Variants in HS3ST2 observed in about 807,000 individuals in gnomAD.
HS3ST2 encodes the protein heparan sulfate-glucosamine 3-sulfotransferase 2.
A neutral mutation model predicts 26.3 loss-of-function variants in HS3ST2; 17 were observed. The ratio of observed to expected loss-of-function variants is 0.65; its 90% CI spans 0.44 to 0.97. HS3ST2 has a LOEUF of 0.97. Ranked by LOEUF, HS3ST2 falls within the 50% of genes least tolerant of loss-of-function variation. The pLI is 0.00. For missense variants in HS3ST2, 402 were observed against 501.2 expected (o/e 0.80, Z 1.89); for synonymous variants, 237 against 219.2 (o/e 1.08, Z -0.72).
chr16:22,915,550 C>T lies in HS3ST2; in HGVS notation c.1092C>T (p.Phe364=). Residue 364 remains phenylalanine (F), a synonymous_variant, in exon 2 of 2, where the codon TTC becomes TTT. Coordinates refer to ENST00000261374, the MANE Select transcript of HS3ST2 (RefSeq NM_006043.2). ...IKFYETVGQD[F]RWE is the part of the protein sequence containing the mutation. ...TTTATGAAACCGTTGGGCAGGACTT[C>T]AGGTGGGAATAAGCCCACGAAAGGA... 1.2e-6 allele frequency: 2 copies of T among 1,612,674 alleles called. No individual in the cohort carries two copies. Among genetic ancestry groups the T allele is most frequent in the South Asian group, 1.1e-5 (1 of 90,922 alleles).
At chr16:22,887,558 A>G (rs1021467013) in intron 1 of HS3ST2, among the ~76,000 whole-genome samples, 3 of 152,168 alleles carry the variant, frequency 2.0e-5, no homozygotes, top group African/African-American at 7.2e-5. Flanking sequence ...TTGGGATGAC[A>G]CAAACACTCA....
At chr16:22,847,944 AGGG>A (rs1901465917) in intron 1 of HS3ST2, among the ~76,000 whole-genome samples, 1 of 151,544 alleles carries the variant, frequency 6.6e-6, no homozygotes, top group African/African-American at 2.4e-5. Flanking sequence ...GGAAGGAAGG[AGGG>A]AGGGAAGAAA....
intron 1 of HS3ST2, among the ~76,000 whole-genome samples, chr16:22,868,891 CA>C (rs1236079322): frequency 6.6e-6 from 1 of 151,882 alleles, no homozygotes. Context: ...AGTAATTAGA[CA>C]TTAACTAGTA....
chr16:22,814,535 C>T lies in HS3ST2; in HGVS notation c.-76C>T, dbSNP rs953036395. The T allele has an allele frequency of 2.8e-5, 39 of 1,411,282 alleles. No individual in the cohort carries two copies. Among genetic ancestry groups the T allele is most frequent in the Non-Finnish European group, 5.5e-6 (6 of 1,091,944 alleles). 87.4% of individuals were successfully genotyped at this position (1,411,282 alleles called of 1,614,324 possible). A position where few individuals can be genotyped will look rare whatever the true frequency, so the allele number is the denominator to read the frequency against. On this transcript the variant is annotated 5_prime_UTR_variant, in exon 1 of 2. Transcript: ENST00000261374. Reference sequence around the variant, plus strand: ...GGCAGCGCCACGCGAGCCCTCTAGGCGACCGCAGGGCCACAGCAGCTCAGC... The same window carrying T: ...GGCAGCGCCACGCGAGCCCTCTAGGTGACCGCAGGGCCACAGCAGCTCAGC...
chr16:22,868,548 G>T (rs1247198824), intron 1 of HS3ST2, among the ~76,000 whole-genome samples: 1 of 151,776 alleles, frequency 6.6e-6, no homozygotes, highest in Non-Finnish European at 1.5e-5. Flanking sequence ...ATGTATATCA[G>T]CTAGAGAATG....
intron 1 of HS3ST2, among the ~76,000 whole-genome samples, chr16:22,910,392 C>T (rs905370268): frequency 4.6e-5 from 7 of 152,138 alleles, no homozygotes; most frequent in African/African-American, 9.7e-5. Flanking sequence ...AGTTTAAATG[C>T]GCTGTTACAC....
chr16:22,895,154 A>G (rs1902192240), intron 1 of HS3ST2, among the ~76,000 whole-genome samples: 1 of 148,992 alleles, frequency 6.7e-6, no homozygotes, highest in African/African-American at 2.5e-5. Context: ...CAGTGGCATG[A>G]TCTCAGCCCA....
intron 1 of HS3ST2, among the ~76,000 whole-genome samples, chr16:22,879,111 C>T (rs1901955619): frequency 6.6e-6 from 1 of 152,220 alleles, no homozygotes; most frequent in Non-Finnish European, 1.5e-5. Flanking sequence ...GTGCCAGGGC[C>T]ATCTGTGCAG....
chr16:22,912,434 G>A (rs1265706044), intron 1 of HS3ST2, among the ~76,000 whole-genome samples: 2 of 152,196 alleles, frequency 1.3e-5, no homozygotes, highest in Non-Finnish European at 2.9e-5. Context: ...AAGGATGTGA[G>A]AATGAATGTT....
At chr16:22,909,837 C>T (rs1596634018) in intron 1 of HS3ST2, among the ~76,000 whole-genome samples, 4 of 151,948 alleles carry the variant, frequency 2.6e-5, no homozygotes, top group Admixed American at 1.3e-4. Context: ...GTCAGGAGTT[C>T]GAGACCAGCC....
At chr16:22,835,180 A>AT (rs142755442) in intron 1 of HS3ST2, among the ~76,000 whole-genome samples, 8,788 of 149,776 alleles carry the variant, frequency 0.059, 811 homozygotes, top group African/African-American at 0.2. Flanking sequence ...CATTTTGTTC[A>AT]TTTTTTTTTG....
At chr16:22,876,241 T>C (rs375125336) in intron 1 of HS3ST2, among the ~76,000 whole-genome samples, 5 of 151,886 alleles carry the variant, frequency 3.3e-5, no homozygotes, top group African/African-American at 1.2e-4. Context: ...GGAAATCAAA[T>C]AATCAGCAAG....
chr16:22,866,594 AC>A (rs1232416708), intron 1 of HS3ST2, among the ~76,000 whole-genome samples: 1 of 151,740 alleles, frequency 6.6e-6, no homozygotes, highest in African/African-American at 2.4e-5. Context: ...ACATGGCAAG[AC>A]CCCGTCTCTA....
At chr16:22,888,740 A>G (rs941851735) in intron 1 of HS3ST2, among the ~76,000 whole-genome samples, 2 of 152,080 alleles carry the variant, frequency 1.3e-5, no homozygotes, top group Admixed American at 6.5e-5. Flanking sequence ...CCTTCTGGAA[A>G]CTATATGGTC....
intron 1 of HS3ST2, among the ~76,000 whole-genome samples, chr16:22,858,489 A>G (rs1901631927): frequency 6.6e-6 from 1 of 152,108 alleles, no homozygotes; most frequent in Non-Finnish European, 1.5e-5. Context: ...ACAATGAAGT[A>G]TAGGATAATT....
At chr16:22,833,409 A>G in intron 1 of HS3ST2, 1 of 439,068 alleles carries the variant, frequency 2.3e-6, no homozygotes. Context: ...AGCAGCAGCA[A>G]TGACCCAGGA....
chr16:22,819,935 C>G (rs538619787), intron 1 of HS3ST2, among the ~76,000 whole-genome samples: 18 of 152,224 alleles, frequency 1.2e-4, no homozygotes, highest in African/African-American at 4.3e-4. Flanking sequence ...CCTGCCATGA[C>G]GTAGTTAATG....
At chr16:22,860,021 A>C (rs935017241) in intron 1 of HS3ST2, among the ~76,000 whole-genome samples, 1 of 152,158 alleles carries the variant, frequency 6.6e-6, no homozygotes, top group African/African-American at 2.4e-5. Flanking sequence ...CTTTGTACTC[A>C]GCCCTCTTAC....
intron 1 of HS3ST2, among the ~76,000 whole-genome samples, chr16:22,855,494 G>GCT (rs1458942634): frequency 6.6e-5 from 10 of 152,108 alleles, no homozygotes; most frequent in African/African-American, 2.2e-4. Context: ...TGCTGCCTTG[G>GCT]GAAATTTCCC....
Sources: allele counts gnomAD v4.1 joint callset (sites outside exome capture counted in the v4.1 genomes callset), GRCh38; gene constraint gnomAD v4.1.1; transcripts MANE v1.5; gene names NCBI Gene and HGNC (gene_info 2026-07-23, HGNC 2026-07-21).